The following CELF2 variants were observed in gnomAD, a reference collection of about 807,000 sequenced individuals.
CELF2 encodes the protein CUGBP Elav-like family member 2, also known as CUG triplet repeat RNA-binding protein 2.
In CELF2, 8 loss-of-function variants were observed where a neutral mutation model predicts 62.6. That is an observed-to-expected ratio of 0.13 (90% CI 0.07 to 0.23). The LOEUF is 0.23. Among genes scored for constraint, CELF2 ranks in the 10% least tolerant of loss-of-function variants. CELF2 has a pLI of 1.00. For missense variants in CELF2, 333 were observed against 671.0 expected, an observed-to-expected ratio of 0.50 and a Z score of 5.56; for synonymous variants, 258 against 250.0, an observed-to-expected ratio of 1.03 and a Z score of -0.30.
At chr10:11,125,770 C>T (rs1388453511) in intron 1 of CELF2, among the ~76,000 whole-genome samples, 1 of 152,184 alleles carries the variant, frequency 6.6e-6, no homozygotes, top group Non-Finnish European at 1.5e-5. Context: ...AAAGTGTCTA[C>T]TTGTCTCCTA....
At chr10:10,542,053 T>C in the CELF2 span, among the ~76,000 whole-genome samples, 1 of 152,224 alleles carries the variant, frequency 6.6e-6, no homozygotes, top group Non-Finnish European at 1.5e-5. Flanking sequence ...TGCATCTTAA[T>C]AGGATATACA....
At chr10:10,949,500 C>G (rs1390219667) in intron 2 of CELF2, among the ~76,000 whole-genome samples, 1 of 151,950 alleles carries the variant, frequency 6.6e-6, no homozygotes, top group African/African-American at 2.4e-5. Flanking sequence ...TTTTAAAAAC[C>G]TCACCCAGAG....
the CELF2 span, among the ~76,000 whole-genome samples, chr10:10,667,688 CTCTG>C: frequency 3.6e-4 from 55 of 152,156 alleles, no homozygotes; most frequent in Non-Finnish European, 7.3e-4. Context: ...AAAGGTGCCT[CTCTG>C]CGCACACAAA....
At chr10:10,848,262 ATGCTCT>A (rs1363006961) in intron 1 of CELF2, among the ~76,000 whole-genome samples, 1 of 152,180 alleles carries the variant, frequency 6.6e-6, no homozygotes, top group African/African-American at 2.4e-5. Context: ...ATAAGTTTGA[ATGCTCT>A]TGACTTAGGG....
chr10:11,248,541 C>G (rs1004969336), intron 3 of CELF2, among the ~76,000 whole-genome samples: 1 of 152,134 alleles, frequency 6.6e-6, no homozygotes, highest in African/African-American at 2.4e-5. Context: ...CAAAGTCAGT[C>G]AACTGCTAGA....
rs569261618 is a variant in CELF2, at chr10:11,242,325, C to T, written c.355-6828C>T. On this transcript the variant is annotated intron_variant, in intron 3 of 12. Coordinates refer to ENST00000633077, the MANE Select transcript of CELF2 (RefSeq NM_001326342.2). The surrounding 1 kb of genome is among the most constrained non-coding windows in gnomAD (Gnocchi z 4.8). ...TCAACAAGTTCCAACATGAGTTCTCCTGTGTGTGAGGAGCCAGCTGTGCCC... is the reference window on the plus strand; with the variant it reads ...TCAACAAGTTCCAACATGAGTTCTCTTGTGTGTGAGGAGCCAGCTGTGCCC... Among the ~76,000 whole-genome samples the T allele has an allele frequency of 3.9e-5, 6 of 152,254 alleles. No homozygotes were observed. The highest frequency in any genetic ancestry group is 1.4e-4 in the African/African-American group (6 of 41,538).
At chr10:10,566,964 G>A in the CELF2 span, among the ~76,000 whole-genome samples, 123 of 152,222 alleles carry the variant, frequency 8.1e-4, no homozygotes, top group Non-Finnish European at 3.8e-4. Context: ...GCTTTTAGAG[G>A]CACACATATT....
At chr10:11,132,295 G>A (rs1164186736) in intron 1 of CELF2, among the ~76,000 whole-genome samples, 1 of 152,128 alleles carries the variant, frequency 6.6e-6, no homozygotes, top group Non-Finnish European at 1.5e-5. Flanking sequence ...TTTCTAAGTG[G>A]GTTTTAATTA....
At chr10:11,030,124 G>A (rs1448507305) in intron 1 of CELF2, among the ~76,000 whole-genome samples, 1 of 152,144 alleles carries the variant, frequency 6.6e-6, no homozygotes, top group Non-Finnish European at 1.5e-5. Context: ...TTTGGTGTGT[G>A]TTTCTTTTAA....
the CELF2 span, among the ~76,000 whole-genome samples, chr10:10,701,408 G>T: frequency 6.6e-6 from 1 of 152,160 alleles, no homozygotes; most frequent in South Asian, 2.1e-4. Flanking sequence ...TGTCAGAAAG[G>T]GTCATCCCAT....
In CELF2 at chr10:11,319,521, A is replaced by T. The variant is rs1264194052; in HGVS notation, c.1097-1668A>T. 6.6e-6 allele frequency among the ~76,000 whole-genome samples: 1 copy of T among 152,170 alleles called. No individual in the cohort carries two copies. The highest frequency in any genetic ancestry group is 6.5e-5 in the Admixed American group (1 of 15,280). ...AGCTCTTTGGACAGCACTTACTTGC[A>T]TGACCCAAAGAAAACATTAATGAAA... is the stretch of plus-strand genomic sequence containing the variant. On this transcript the variant is annotated intron_variant, in intron 10 of 12. Coordinates refer to ENST00000633077, the MANE Select transcript of CELF2 (RefSeq NM_001326342.2). This position sits in a 1 kb window ranked among gnomAD's most constrained non-coding sequence, Gnocchi z 4.4.
chr10:11,262,861 G>T (rs1281244772), intron 5 of CELF2, among the ~76,000 whole-genome samples: 1 of 149,102 alleles, frequency 6.7e-6, no homozygotes, highest in South Asian at 2.1e-4. Context: ...AAGTATAGTG[G>T]GTACTACACC....
rs145465214 is a variant in CELF2 at position 11,279,743 on chromosome 10, A to T, written c.841+4623A>T. 4.6e-5 allele frequency among the ~76,000 whole-genome samples: 7 copies of T among 152,194 alleles called. No individual in the cohort carries two copies. In the East Asian group the frequency reaches 9.6e-4, roughly 21 times the overall value. ...TTTCATGCCCTTCTCCTTATAAATA[A>T]TTTTTTTTAAATCTTAAGTTTCAAG... On this transcript the variant is annotated intron_variant, in intron 8 of 12. Coordinates refer to ENST00000633077, the MANE Select transcript of CELF2 (RefSeq NM_001326342.2).
rs552768758 is a variant in CELF2 at position 10,928,438 on chromosome 10, G to A, written c.89+8439G>A. Reference sequence around the variant, plus strand: ...CTCTACCACTTGTTCTTCTAGATCCGGATTTTGCAAACTACAGCCCACAGA... The same window carrying A: ...CTCTACCACTTGTTCTTCTAGATCCAGATTTTGCAAACTACAGCCCACAGA... On this transcript the variant is annotated intron_variant, in intron 2 of 13. Transcript: ENST00000636488. The surrounding 1 kb of genome is among the most constrained non-coding windows in gnomAD (Gnocchi z 4.8). 2.6e-4 allele frequency among the ~76,000 whole-genome samples: 39 copies of A among 152,112 alleles called. No homozygotes were observed. The highest frequency in any genetic ancestry group is 1.0e-3 in the South Asian group (5 of 4,808).
At chr10:11,171,860 A>G (rs2068981579) in intron 2 of CELF2, among the ~76,000 whole-genome samples, 1 of 152,168 alleles carries the variant, frequency 6.6e-6, no homozygotes, top group Non-Finnish European at 1.5e-5. Flanking sequence ...TTAAAATGTT[A>G]AAGGTTTGTA....
the CELF2 span, among the ~76,000 whole-genome samples, chr10:10,786,050 T>C: frequency 6.6e-6 from 1 of 152,212 alleles, no homozygotes; most frequent in South Asian, 2.1e-4. Context: ...AAAAAATGTT[T>C]TCTGCAAGTG....
chr10:11,327,818 A>C (rs2095835182), intron 12 of CELF2, among the ~76,000 whole-genome samples: 1 of 152,180 alleles, frequency 6.6e-6, no homozygotes, highest in South Asian at 2.1e-4. Flanking sequence ...CAGAAAAGTC[A>C]TGTCCTCTTC....
chr10:10,629,836 A>G, the CELF2 span, among the ~76,000 whole-genome samples: 1 of 147,704 alleles, frequency 6.8e-6, no homozygotes, highest in African/African-American at 2.5e-5. Flanking sequence ...GCCTAGGCAA[A>G]CCATTGCAAA....
At chr10:10,952,024 A>AG (rs2048373790) in intron 2 of CELF2, 1 of 152,260 alleles carries the variant, frequency 6.6e-6, no homozygotes, top group African/African-American at 2.4e-5. Flanking sequence ...TCCCAGAGAG[A>AG]GGGGAGAGTG....
Sources: allele counts gnomAD v4.1 joint callset (sites outside exome capture counted in the v4.1 genomes callset), GRCh38; gene constraint gnomAD v4.1.1; non-coding constraint Gnocchi (gnomAD v3.1); transcripts MANE v1.5; gene names NCBI Gene and HGNC (gene_info 2026-07-23, HGNC 2026-07-21).